Variants in SEC61A1 observed in about 807,000 individuals in gnomAD.
SEC61A1 encodes the protein SEC61 translocon subunit alpha 1.
A neutral mutation model predicts 55.2 loss-of-function variants in SEC61A1; 15 were observed. That is an observed-to-expected ratio of 0.27 (90% CI 0.18 to 0.42). SEC61A1 has a LOEUF of 0.42. Among genes scored for constraint, SEC61A1 ranks in the 10% least tolerant of loss-of-function variants. The pLI is 1.00. For missense variants in SEC61A1, 284 were observed against 602.6 expected (o/e 0.47, Z 5.53); for synonymous variants, 247 against 234.0 (o/e 1.06, Z -0.51).
chr3:128,058,869 A>G (rs1941814602), intron 5 of SEC61A1, among the ~76,000 whole-genome samples: 1 of 152,204 alleles, frequency 6.6e-6, no homozygotes, highest in South Asian at 2.1e-4. Flanking sequence ...AACAAAAAAC[A>G]CTAAGAAAAC....
intron 8 of SEC61A1, among the ~76,000 whole-genome samples, chr3:128,066,316 C>G (rs144906783): frequency 2.4e-4 from 37 of 152,158 alleles, no homozygotes; most frequent in African/African-American, 8.4e-4. Context: ...GGTGTGTGGC[C>G]TCCAGGCTTT....
intron 7 of SEC61A1, among the ~76,000 whole-genome samples, chr3:128,061,234 A>C (rs1941846706): frequency 6.6e-6 from 1 of 152,204 alleles, no homozygotes; most frequent in African/African-American, 2.4e-5. Flanking sequence ...GGTTACCAGG[A>C]TGCAGTGAGA....
At chr3:128,053,143 C>T (rs1298729012) in intron 2 of SEC61A1, among the ~76,000 whole-genome samples, 1 of 152,182 alleles carries the variant, frequency 6.6e-6, no homozygotes, top group Admixed American at 6.5e-5. Context: ...GCTCCGAGAA[C>T]AAAGCCTCCG....
At chr3:128,052,069 G>A (rs1160024663), upstream of SEC61A1, among the ~76,000 whole-genome samples, 1 of 152,212 alleles carries the variant, frequency 6.6e-6, no homozygotes, top group African/African-American at 2.4e-5. Context: ...GTGTATGGGA[G>A]CCACCAGGGT....
At chr3:128,054,268 T>C (rs959750086) in intron 2 of SEC61A1, among the ~76,000 whole-genome samples, 3 of 152,218 alleles carry the variant, frequency 2.0e-5, no homozygotes, top group Non-Finnish European at 4.4e-5. Flanking sequence ...TTAAATTTGA[T>C]TGTAACCAGG....
At chr3:128,068,995 T>C (rs1360905672) in intron 11 of SEC61A1, 1 of 152,504 alleles carries the variant, frequency 6.6e-6, no homozygotes, top group East Asian at 1.9e-4. Flanking sequence ...GTAGGCAATT[T>C]AGTTCATTCT....
chr3:128,058,369 C>T (rs1467076027), intron 5 of SEC61A1, among the ~76,000 whole-genome samples: 1 of 151,956 alleles, frequency 6.6e-6, no homozygotes, highest in Non-Finnish European at 1.5e-5. Flanking sequence ...CCACCACGCC[C>T]AGCTAATTTT....
rs1387614946 is a variant in SEC61A1 at position 128,067,878 on chromosome 3, T to C, written c.1168-105T>C. ...AGTTTTAAAGTTCTCTGTATGAATA[T>C]TGTCAGTGCTCGAAGAGGCGATCTG... On this transcript the variant is annotated intron_variant, in intron 10 of 11. Transcript: ENST00000243253. This position sits in a 1 kb window ranked among gnomAD's most constrained non-coding sequence, Gnocchi z 4.1. The C allele has an allele frequency of 3.4e-6, 3 of 887,718 alleles. No homozygotes were observed. The highest frequency in any genetic ancestry group is 3.3e-5 in the African/African-American group (2 of 60,096). 55.0% of individuals were successfully genotyped at this position (887,718 alleles called of 1,614,324 possible).
At chr3:128,058,575 C>A (rs1372419937) in intron 5 of SEC61A1, among the ~76,000 whole-genome samples, 1 of 152,158 alleles carries the variant, frequency 6.6e-6, no homozygotes, top group African/African-American at 2.4e-5. Context: ...AAAATACACA[C>A]ATGTGGCTGG....
intron 3 of SEC61A1, 36 bp downstream of exon 3, chr3:128,055,617 GA>G (rs1941759532): frequency 3.1e-6 from 5 of 1,608,252 alleles, no homozygotes. Context: ...TGGGGAGGGG[GA>G]TAAGAGTGGC....
At chr3:128,053,602 T>C (rs1941724168) in intron 2 of SEC61A1, among the ~76,000 whole-genome samples, 1 of 152,266 alleles carries the variant, frequency 6.6e-6, no homozygotes, top group African/African-American at 2.4e-5. Context: ...TGTTAAAGCA[T>C]TCACATGGAC....
chr3:128,052,129 TCAGTTTCTCCGTGAGGCCGCACAGCCC>T (rs1300879215), upstream of SEC61A1, among the ~76,000 whole-genome samples: 3 of 151,870 alleles, frequency 2.0e-5, no homozygotes, highest in Admixed American at 1.3e-4. Flanking sequence ...CGCGCCTGCC[TCAGTTTCTCCGTGAGGCCGCACAGCCC>T]CAGTCTCGGG....
At position 128,052,523 on chromosome 3, in the gene SEC61A1, G is replaced by A; in HGVS notation, c.-30G>A. 2 of 1,594,050 alleles carry A rather than the reference G, an allele frequency of 1.3e-6. No individual in the cohort carries two copies. Among genetic ancestry groups the A allele is most frequent in the Non-Finnish European group, 1.7e-6 (2 of 1,171,274 alleles). Reference sequence around the variant, plus strand: ...TCACGCGGAGCAGAGCTGAGCTGAAGCGGGACCCGGAGCCCGAGCAGCCGC... The same window carrying A: ...TCACGCGGAGCAGAGCTGAGCTGAAACGGGACCCGGAGCCCGAGCAGCCGC... On this transcript the variant is annotated 5_prime_UTR_variant, in exon 1 of 12. Coordinates refer to ENST00000243253, the MANE Select transcript of SEC61A1 (RefSeq NM_013336.4).
Position 128,069,707 on chromosome 3 carries a change from C to T in SEC61A1, c.*45C>T, listed in dbSNP as rs1444185343. The T allele has an allele frequency of 5.1e-6, 8 of 1,563,926 alleles. No individual in the cohort carries two copies. Among genetic ancestry groups the T allele is most frequent in the East Asian group, 2.2e-5 (1 of 44,486 alleles). ...TGAGGAAGCTGCTCCAGAAGCGCCTCGGAAGGGGAGCTCTCATCATGGCGC... is the reference window on the plus strand; with the variant it reads ...TGAGGAAGCTGCTCCAGAAGCGCCTTGGAAGGGGAGCTCTCATCATGGCGC... On this transcript the variant is annotated 3_prime_UTR_variant, in exon 12 of 12. Transcript: ENST00000243253.
At chr3:128,051,978 C>A, upstream of SEC61A1, 1 of 1,218,688 alleles carries the variant, frequency 8.2e-7, no homozygotes, top group Non-Finnish European at 1.2e-6. Context: ...ACGGGCGCCG[C>A]GGTAGACGCT....
At chr3:128,059,770 G>A (rs906837616) in intron 5 of SEC61A1, among the ~76,000 whole-genome samples, 1 of 152,076 alleles carries the variant, frequency 6.6e-6, no homozygotes, top group African/African-American at 2.4e-5. Context: ...GTCTCCGGAT[G>A]CTGTCAGGAG....
rs1942131914 is a variant in SEC61A1, at chr3:128,070,583, A to G, written c.*921A>G. The G allele has an allele frequency of 6.6e-6, 1 of 152,242 alleles. No individual in the cohort carries two copies. The highest frequency in any genetic ancestry group is 6.5e-5 in the Admixed American group (1 of 15,292). 9.4% of individuals were successfully genotyped at this position (152,242 alleles called of 1,614,324 possible). On this transcript the variant is annotated 3_prime_UTR_variant, in exon 12 of 12. Transcript: ENST00000243253. ...AGCCCCTACACCTTCTGGGCTGAAG[A>G]TCACCCAGCTGTGTTCAGAATTTTC...
At chr3:128,051,829 C>T (rs1941676991), upstream of SEC61A1, 4 of 1,535,598 alleles carry the variant, frequency 2.6e-6, no homozygotes, top group African/African-American at 4.1e-5. Context: ...AAACTCATCC[C>T]ATTCGTTCTC....
intron 6 of SEC61A1, 43 bp downstream of exon 6, chr3:128,060,254 C>G (rs375117047): frequency 2.2e-6 from 3 of 1,366,094 alleles, no homozygotes; most frequent in Non-Finnish European, 3.1e-6. Flanking sequence ...GCCCCTCACA[C>G]TTACCTACAA....
Sources: allele counts gnomAD v4.1 joint callset (sites outside exome capture counted in the v4.1 genomes callset), GRCh38; gene constraint gnomAD v4.1.1; non-coding constraint Gnocchi (gnomAD v3.1); transcripts MANE v1.5; gene names NCBI Gene and HGNC (gene_info 2026-07-23, HGNC 2026-07-21).